Variants in VPS54 observed in about 807,000 individuals in gnomAD.
VPS54 encodes vacuolar protein sorting-associated protein 54.
In VPS54, 45 loss-of-function variants were observed where a neutral mutation model predicts 121.5. The observed-to-expected ratio is 0.37, with a 90% CI of 0.29 to 0.47. The LOEUF is 0.47. Among genes scored for constraint, VPS54 ranks in the 20% least tolerant of loss-of-function variants. The probability of loss-of-function intolerance (pLI) is 0.99; values close to 1 mark genes in which losing one functional copy is unlikely to be tolerated. For synonymous variants in VPS54, 371 were observed against 385.8 expected, an observed-to-expected ratio of 0.96 and a Z score of 0.45; for missense variants, 1,090 against 1,131.4, an observed-to-expected ratio of 0.96 and a Z score of 0.52.
At chr2:63,909,791 C>A (rs1673065385) in intron 20 of VPS54, among the ~76,000 whole-genome samples, 2 of 145,476 alleles carry the variant, frequency 1.4e-5, no homozygotes, top group African/African-American at 5.0e-5. Flanking sequence ...ATGGTGCCAT[C>A]TCGGCTCACT....
At chr2:64,007,132 C>T (rs1244355036) in intron 1 of VPS54, among the ~76,000 whole-genome samples, 1 of 152,190 alleles carries the variant, frequency 6.6e-6, no homozygotes, top group African/African-American at 2.4e-5. Flanking sequence ...GCAGACATAA[C>T]TTACTTTCAG....
At chr2:63,957,358 C>T (rs926090251) in intron 7 of VPS54, among the ~76,000 whole-genome samples, 7 of 149,336 alleles carry the variant, frequency 4.7e-5, no homozygotes, top group East Asian at 2.0e-4. Flanking sequence ...AGAAGAATGG[C>T]GTGAATCCGG....
chr2:63,928,109 A>AC (rs1674001092), intron 12 of VPS54, among the ~76,000 whole-genome samples: 2 of 152,222 alleles, frequency 1.3e-5, no homozygotes, highest in Non-Finnish European at 2.9e-5. Flanking sequence ...ATCCAGCAGA[A>AC]CTTCCCCAAC....
At chr2:63,916,685 C>A (rs983391631) in intron 16 of VPS54, among the ~76,000 whole-genome samples, 1 of 151,984 alleles carries the variant, frequency 6.6e-6, no homozygotes, top group Non-Finnish European at 1.5e-5. Flanking sequence ...TTGTGTTAAG[C>A]CAGTGCAGTC....
intron 13 of VPS54, among the ~76,000 whole-genome samples, 157 bp from the exon 14 acceptor site, chr2:63,920,784 G>A (rs933184560): frequency 1.3e-5 from 2 of 151,856 alleles, no homozygotes; most frequent in African/African-American, 4.8e-5. Context: ...TGCTTAAGAG[G>A]TCCAAATTTG....
In VPS54 at chr2:64,006,700, C is replaced by A. The variant is rs571721704; in HGVS notation, c.-21+12238G>T. ...TGGTGCAATCGCGGCTTCACTGCAACCTCCGCCTCCCAGTTTCAAGCCATT... is the reference window on the plus strand; with the variant it reads ...TGGTGCAATCGCGGCTTCACTGCAAACTCCGCCTCCCAGTTTCAAGCCATT... On this transcript the variant is annotated intron_variant, in intron 1 of 22. Transcript: ENST00000272322. 1.2e-4 allele frequency among the ~76,000 whole-genome samples: 18 copies of A among 152,152 alleles called. No homozygotes were observed. The South Asian group carries it at 3.1e-3, about 26-fold the overall frequency.
chr2:63,899,613 A>G (rs1164836078), intron 20 of VPS54, 32 bp from the exon 21 acceptor site: 4 of 1,561,570 alleles, frequency 2.6e-6, no homozygotes, highest in Non-Finnish European at 3.5e-6. Context: ...AATTATGTTC[A>G]TGTCCTCTGA....
At chr2:63,959,608 C>T (rs1429131265) in intron 7 of VPS54, among the ~76,000 whole-genome samples, 2 of 152,038 alleles carry the variant, frequency 1.3e-5, no homozygotes, top group East Asian at 1.9e-4. Flanking sequence ...CATTTTTGGC[C>T]GAGCATGGTG....
intron 20 of VPS54, among the ~76,000 whole-genome samples, chr2:63,907,285 G>A (rs560222381): frequency 1.1e-3 from 165 of 152,166 alleles, no homozygotes; most frequent in African/African-American, 3.0e-3. Flanking sequence ...TTGGGAGGCC[G>A]AGGTGGGCAG....
chr2:63,994,002 G>C (rs1184672352), intron 1 of VPS54, among the ~76,000 whole-genome samples: 3 of 152,170 alleles, frequency 2.0e-5, no homozygotes, highest in Non-Finnish European at 2.9e-5. Flanking sequence ...ATATGCTTGT[G>C]TGTCACCAGG....
At chr2:63,917,048 A>C in intron 15 of VPS54, 85 bp from the exon 16 acceptor site, 1 of 1,367,500 alleles carries the variant, frequency 7.3e-7, no homozygotes, top group Admixed American at 1.8e-5. Context: ...ATTCCTGTTT[A>C]AGGCCAAAAA....
intron 6 of VPS54, 125 bp downstream of exon 6, chr2:63,965,710 G>A (rs1675961886): frequency 2.2e-6 from 3 of 1,363,482 alleles, no homozygotes; most frequent in Non-Finnish European, 3.0e-6. Context: ...GAGGCTTATA[G>A]TTATCAGTAA....
rs750104322 is a variant in VPS54 at position 63,969,017 on chromosome 2, ATTTTTAAAAC to A, written c.458-36_458-27del. ...CTATTTAAAAAAGAAGGGAAATATT[ATTTTTAAAAC>A]TTGTTTTCATTTTAACTCCGTAAAA... On this transcript the variant is annotated intron_variant, in intron 4 of 22. Transcript: ENST00000272322. The A allele has an allele frequency of 1.2e-5, 19 of 1,573,984 alleles. No homozygotes were observed. In the East Asian group the frequency reaches 4.3e-4, roughly 35 times the overall value.
chr2:63,945,472 T>C (rs1355492404), intron 9 of VPS54, among the ~76,000 whole-genome samples: 1 of 152,108 alleles, frequency 6.6e-6, no homozygotes, highest in East Asian at 1.9e-4. Context: ...TGATATAATC[T>C]ATACCAAAAA....
chr2:63,915,427 T>C (rs1231093380), intron 16 of VPS54, among the ~76,000 whole-genome samples: 1 of 152,208 alleles, frequency 6.6e-6, no homozygotes, highest in African/African-American at 2.4e-5. Context: ...TGTCAGACCA[T>C]ATATGCATAC....
At chr2:63,938,948 A>G (rs954579408) in intron 11 of VPS54, among the ~76,000 whole-genome samples, 1 of 152,250 alleles carries the variant, frequency 6.6e-6, no homozygotes, top group Admixed American at 6.5e-5. Context: ...AAAAATACAC[A>G]CTAAAAAAAT....
At chr2:63,962,732 A>C (rs545364727) in intron 6 of VPS54, among the ~76,000 whole-genome samples, 8 of 152,106 alleles carry the variant, frequency 5.3e-5, no homozygotes, top group Non-Finnish European at 1.2e-4. Context: ...AGAGTACCCC[A>C]CAGACATCTC....
At chr2:63,912,698 A>AT in intron 18 of VPS54, 37 bp from the exon 19 acceptor site, 2 of 676,736 alleles carry the variant, frequency 3.0e-6, no homozygotes, top group Non-Finnish European at 4.0e-6. Flanking sequence ...ATGGAGAAAT[A>AT]AAAAAAAAAA....
At chr2:63,982,631 C>T (rs531898439) in intron 2 of VPS54, among the ~76,000 whole-genome samples, 37 of 152,090 alleles carry the variant, frequency 2.4e-4, no homozygotes, top group Non-Finnish European at 2.9e-4. Flanking sequence ...ATAATTTATG[C>T]CTGAATGAAG....
Sources: allele counts gnomAD v4.1 joint callset (sites outside exome capture counted in the v4.1 genomes callset), GRCh38; gene constraint gnomAD v4.1.1; transcripts MANE v1.5; gene names NCBI Gene and HGNC (gene_info 2026-07-23, HGNC 2026-07-21).